Variants in TRPC4AP observed in about 807,000 individuals in gnomAD.
The protein encoded by TRPC4AP is transient receptor potential cation channel subfamily C member 4 associated protein.
A neutral mutation model predicts 99.0 loss-of-function variants in TRPC4AP; 45 were observed. The observed-to-expected ratio is 0.45, with a 90% CI of 0.36 to 0.58. The LOEUF (loss-of-function observed/expected upper bound fraction) is 0.58. TRPC4AP is among the 20% of genes least tolerant of loss of function. The pLI, the probability that TRPC4AP is intolerant of heterozygous loss-of-function variation, is 0.00. For missense variants in TRPC4AP, 879 were observed against 985.3 expected (o/e 0.89, Z 1.44); for synonymous variants, 408 against 385.8 (o/e 1.06, Z -0.67).
At position 35,041,303 on chromosome 20, in the gene TRPC4AP, T is replaced by C. The variant is rs148368889; in HGVS notation, c.865+3202A>G. Among the ~76,000 whole-genome samples, 691 of 152,330 alleles carry C rather than the reference T, an allele frequency of 4.5e-3. 4 individuals are homozygous for C. Among genetic ancestry groups the C allele is most frequent in the African/African-American group, 0.016 (662 of 41,564 alleles). ...TCCTCATCCACTCGTGATTTAATTA[T>C]GTCCACCAGCTTGGCCTTCCCAGGG... is the stretch of plus-strand genomic sequence containing the variant. On this transcript the variant is annotated intron_variant, in intron 7 of 18. Coordinates refer to ENST00000252015, the MANE Select transcript of TRPC4AP (RefSeq NM_015638.3).
chr20:35,073,603 T>C (rs2084386007), intron 2 of TRPC4AP, among the ~76,000 whole-genome samples: 2 of 152,226 alleles, frequency 1.3e-5, no homozygotes, highest in Non-Finnish European at 2.9e-5. Context: ...GAACCAGCCT[T>C]GTATCCCAGG....
At chr20:35,077,361 C>T (rs189639847) in intron 2 of TRPC4AP, among the ~76,000 whole-genome samples, 1 of 152,190 alleles carries the variant, frequency 6.6e-6, no homozygotes, top group Non-Finnish European at 1.5e-5. Context: ...GTACCATAGA[C>T]TGGAGCTGTT....
chr20:35,078,270 A>G (rs935126846), intron 1 of TRPC4AP, 96 bp from the exon 2 acceptor site: 7 of 1,341,004 alleles, frequency 5.2e-6, no homozygotes, highest in East Asian at 2.4e-5. Context: ...CCCACCCAGG[A>G]CAGTTACAAA....
chr20:35,041,327 G>A (rs1600573824), intron 7 of TRPC4AP, among the ~76,000 whole-genome samples: 1 of 152,084 alleles, frequency 6.6e-6, no homozygotes, highest in Non-Finnish European at 1.5e-5. Flanking sequence ...GCCTTCCCAG[G>A]GCATTTGAAT....
At chr20:35,056,887 G>A (rs1281856430) in intron 4 of TRPC4AP, among the ~76,000 whole-genome samples, 2 of 146,284 alleles carry the variant, frequency 1.4e-5, no homozygotes, top group African/African-American at 2.5e-5. Context: ...TTGAGAGGGT[G>A]AGGCAGGAAA....
intron 2 of TRPC4AP, among the ~76,000 whole-genome samples, chr20:35,072,969 T>A (rs1569144303): frequency 6.6e-6 from 1 of 152,194 alleles, no homozygotes; most frequent in Non-Finnish European, 1.5e-5. Flanking sequence ...TGAGCAGTGG[T>A]TTGTAGTTCT....
intron 14 of TRPC4AP, 145 bp from the exon 15 acceptor site, chr20:35,006,720 G>A: frequency 8.7e-7 from 1 of 1,150,684 alleles, no homozygotes; most frequent in Non-Finnish European, 1.2e-6. Flanking sequence ...TGAGGATGCT[G>A]GTGGCTCCAA....
At chr20:35,069,165 G>A (rs1462881189) in intron 3 of TRPC4AP, 131 bp downstream of exon 3, 7 of 624,266 alleles carry the variant, frequency 1.1e-5, no homozygotes, top group East Asian at 2.7e-5. Flanking sequence ...TGTAAATGCC[G>A]CTAAGCTTCT....
chr20:35,055,869 T>C (rs773091038), intron 4 of TRPC4AP, among the ~76,000 whole-genome samples: 1 of 152,230 alleles, frequency 6.6e-6, no homozygotes, highest in Non-Finnish European at 1.5e-5. Flanking sequence ...ACTACTTCCC[T>C]GTGAGCAGGA....
In TRPC4AP at chr20:35,069,181, T is replaced by C. The variant is rs182908165; in HGVS notation, c.414+115A>G. ...GTAAATGCCGCTAAGCTTCTAAAAG[T>C]TAAAATCTGAAATGTTATAAATTCT... On this transcript the variant is annotated intron_variant, in intron 3 of 18. Transcript: ENST00000252015. The C allele has an allele frequency of 2.7e-4, 178 of 665,050 alleles. 1 individual carries two copies. In the East Asian group the frequency reaches 4.7e-3, roughly 17 times the overall value. The allele number at this position is 665,050 out of a possible 1,614,324, so 41.2% of individuals were successfully genotyped here.
At chr20:35,079,719 G>A (rs1344180741) in intron 1 of TRPC4AP, among the ~76,000 whole-genome samples, 2 of 152,116 alleles carry the variant, frequency 1.3e-5, no homozygotes, top group African/African-American at 4.8e-5. Context: ...CATGGACTTC[G>A]AAGGATGATA....
chr20:35,080,806 T>TTTG (rs145679228), intron 1 of TRPC4AP, among the ~76,000 whole-genome samples: 661 of 26,984 alleles, frequency 0.024, 6 homozygotes, highest in African/African-American at 0.11. Context: ...ACACTTCAGT[T>TTTG]TTTTTTTTTT....
At chr20:35,018,604 GA>G (rs11479211) in intron 9 of TRPC4AP, among the ~76,000 whole-genome samples, 44,392 of 89,116 alleles carry the variant, frequency 0.5, 8,284 homozygotes, top group Admixed American at 0.61. Context: ...CTCAAAAAAA[GA>G]AAAAAAAAAA....
At chr20:35,021,492 C>G (rs2082888955) in intron 8 of TRPC4AP, 136 bp from the exon 9 acceptor site, 3 of 971,680 alleles carry the variant, frequency 3.1e-6, no homozygotes, top group African/African-American at 1.6e-5. Flanking sequence ...ACTCTGAAAG[C>G]TGCAAAACTC....
intron 1 of TRPC4AP, among the ~76,000 whole-genome samples, chr20:35,084,636 ATATGTATGTATGTTTATATG>A (rs1569155216): frequency 3.8e-4 from 43 of 114,168 alleles, no homozygotes; most frequent in African/African-American, 1.5e-3. Context: ...ATATATGTGT[ATATGTATGTATGTTTATATG>A]CATATATGTG....
Position 35,002,998 on chromosome 20 carries a change from T to C in TRPC4AP, c.*148A>G, listed in dbSNP as rs1284783831. 8.6e-6 allele frequency: 10 copies of C among 1,157,022 alleles called. No homozygotes were observed. The East Asian group carries it at 2.4e-4, about 28-fold the overall frequency. The allele number at this position is 1,157,022 out of a possible 1,614,324, so 71.7% of individuals were successfully genotyped here. On this transcript the variant is annotated 3_prime_UTR_variant, in exon 19 of 19. Transcript: ENST00000252015. ...CTCAGACCCAGGGGGACCAAGGGCT[T>C]CTAGGACTTCCCTCCCACCAAGCCT... is the stretch of plus-strand genomic sequence containing the variant.
chr20:35,022,315 C>T (rs8121710), intron 8 of TRPC4AP, among the ~76,000 whole-genome samples: 12,976 of 152,216 alleles, frequency 0.085, 625 homozygotes, highest in South Asian at 0.13. Context: ...GCCACCACGC[C>T]CAGCTAATTT....
chr20:35,059,154 G>A (rs1385681270), intron 3 of TRPC4AP, among the ~76,000 whole-genome samples: 1 of 152,110 alleles, frequency 6.6e-6, no homozygotes, highest in East Asian at 1.9e-4. Flanking sequence ...GCTCTTTGAA[G>A]ACTGGCAAAT....
intron 9 of TRPC4AP, among the ~76,000 whole-genome samples, chr20:35,020,367 C>CCT (rs1329599157): frequency 6.6e-6 from 1 of 152,126 alleles, no homozygotes; most frequent in Non-Finnish European, 1.5e-5. Flanking sequence ...AGCCCTCAGC[C>CCT]CTCCTCTCCT....
Sources: gnomAD v4.1 joint callset for allele counts (sites outside exome capture counted in the v4.1 genomes callset) on GRCh38, gnomAD v4.1.1 for gene constraint, MANE v1.5 for transcripts, NCBI Gene and HGNC (gene_info 2026-07-23, HGNC 2026-07-21) for gene names.